The following CACNA1B variants were observed in gnomAD, a reference collection of about 807,000 sequenced individuals.
CACNA1B encodes voltage-dependent N-type calcium channel subunit alpha-1B.
In CACNA1B, 70 loss-of-function variants were observed where a neutral mutation model predicts 247.2. That is an observed-to-expected ratio of 0.28 (90% CI 0.23 to 0.35). The LOEUF (loss-of-function observed/expected upper bound fraction) is 0.35. CACNA1B is among the 10% of genes least tolerant of loss of function. The probability of loss-of-function intolerance (pLI) is 1.00; values close to 1 mark genes in which losing one functional copy is unlikely to be tolerated. For synonymous variants in CACNA1B, 1,231 were observed against 1,294.4 expected (o/e 0.95, Z 1.05); for missense variants, 2,367 against 3,197.4 (o/e 0.74, Z 6.26).
rs1055013997 is a variant in CACNA1B, at chr9:137,950,437, G to T, written c.967-1837G>T. 2.0e-5 allele frequency among the ~76,000 whole-genome samples: 3 copies of T among 152,184 alleles called. No homozygotes were observed. Among genetic ancestry groups the T allele is most frequent in the Non-Finnish European group, 4.4e-5 (3 of 68,030 alleles). On this transcript the variant is annotated intron_variant, in intron 6 of 46. Coordinates refer to ENST00000371372, the MANE Select transcript of CACNA1B (RefSeq NM_000718.4). The surrounding 1 kb of genome is among the most constrained non-coding windows in gnomAD (Gnocchi z 4.8). Reference sequence around the variant, plus strand: ...AGTACCGCGGAGGTGGGCTTGGGCTGGGGGGCCGTGATAACCCCTGCTGAG... The same window carrying T: ...AGTACCGCGGAGGTGGGCTTGGGCTTGGGGGCCGTGATAACCCCTGCTGAG...
intron 10 of CACNA1B, among the ~76,000 whole-genome samples, chr9:137,968,783 G>A (rs1243058586): frequency 6.6e-6 from 1 of 152,226 alleles, no homozygotes; most frequent in Non-Finnish European, 1.5e-5. Flanking sequence ...AGAAATCTAA[G>A]TATTTGCAGC....
At chr9:137,937,722 G>C (rs1957684369) in intron 6 of CACNA1B, among the ~76,000 whole-genome samples, 1 of 151,954 alleles carries the variant, frequency 6.6e-6, no homozygotes, top group African/African-American at 2.4e-5. Context: ...AAGGTGGGCG[G>C]ATCACCTGAG....
chr9:137,999,187 G>A (rs556519710), intron 15 of CACNA1B, among the ~76,000 whole-genome samples: 1 of 151,918 alleles, frequency 6.6e-6, no homozygotes, highest in South Asian at 2.1e-4. Flanking sequence ...TGTGGTGGTG[G>A]GTGCTACTGT....
intron 18 of CACNA1B, among the ~76,000 whole-genome samples, chr9:138,022,003 C>T (rs370463639): frequency 1.1e-4 from 16 of 152,224 alleles, no homozygotes; most frequent in Admixed American, 5.9e-4. Flanking sequence ...TGGTCTTACT[C>T]AGCAGAAGGC....
chr9:138,013,071 G>C, intron 17 of CACNA1B, 58 bp from the exon 18 acceptor site: 2 of 1,220,414 alleles, frequency 1.6e-6, no homozygotes, highest in Non-Finnish European at 2.4e-6. Flanking sequence ...TATATAGCCA[G>C]TGTTAGAGTG....
intron 34 of CACNA1B, among the ~76,000 whole-genome samples, chr9:138,074,283 C>G (rs1350753736): frequency 6.6e-6 from 1 of 151,816 alleles, no homozygotes; most frequent in African/African-American, 2.4e-5. Context: ...CTTTGTCACC[C>G]CGGCTGGAGT....
chr9:138,045,116 G>A (rs1409880401), intron 21 of CACNA1B, among the ~76,000 whole-genome samples: 1 of 152,210 alleles, frequency 6.6e-6, no homozygotes, highest in African/African-American at 2.4e-5. Flanking sequence ...AGGGGAGAGG[G>A]GAGGAACTAG....
chr9:138,107,498 T>C (rs1961471881), intron 39 of CACNA1B, among the ~76,000 whole-genome samples: 1 of 152,040 alleles, frequency 6.6e-6, no homozygotes, highest in Admixed American at 6.6e-5. Flanking sequence ...CCATTTCTGA[T>C]TCATGCCTTC....
rs185964501 is a variant in CACNA1B, at chr9:137,957,040, C to T, written c.1243+213C>T. 6.6e-6 allele frequency among the ~76,000 whole-genome samples: 1 copy of T among 152,344 alleles called. No homozygotes were observed. The highest frequency in any genetic ancestry group is 6.5e-5 in the Admixed American group (1 of 15,306). On this transcript the variant is annotated intron_variant, in intron 9 of 46. Coordinates refer to ENST00000371372, the MANE Select transcript of CACNA1B (RefSeq NM_000718.4). The surrounding 1 kb of genome is among the most constrained non-coding windows in gnomAD (Gnocchi z 4.7). ...CAGGTTTAAACCGAGCTGTGTCTATCCCCAGGGCTTGGGGTGCTGCTGCTC... is the reference window on the plus strand; with the variant it reads ...CAGGTTTAAACCGAGCTGTGTCTATTCCCAGGGCTTGGGGTGCTGCTGCTC...
At chr9:138,119,234 C>T (rs978126530) in intron 44 of CACNA1B, among the ~76,000 whole-genome samples, 5 of 152,170 alleles carry the variant, frequency 3.3e-5, no homozygotes, top group Non-Finnish European at 7.4e-5. Context: ...TACTTTTCTA[C>T]CCAGCTCCTT....
chr9:138,047,796 G>A (rs1444080838), intron 23 of CACNA1B, among the ~76,000 whole-genome samples: 1 of 152,242 alleles, frequency 6.6e-6, no homozygotes, highest in East Asian at 1.9e-4. Context: ...AAAGGAGGAG[G>A]GCTGCATGGC....
intron 35 of CACNA1B, 145 bp from the exon 36 acceptor site, chr9:138,077,969 A>G: frequency 4.8e-6 from 3 of 626,688 alleles, no homozygotes; most frequent in South Asian, 4.4e-5. Context: ...TCCTTTGAAG[A>G]AACAGCATCT....
intron 18 of CACNA1B, among the ~76,000 whole-genome samples, chr9:138,015,226 C>G (rs10867094): frequency 0.37 from 56,053 of 152,090 alleles, 14,628 homozygotes; most frequent in African/African-American, 0.73. Flanking sequence ...TCCCTGCCTG[C>G]GGTGCAGCTG....
At chr9:137,906,805 G>A (rs1363482655) in intron 3 of CACNA1B, among the ~76,000 whole-genome samples, 1 of 152,154 alleles carries the variant, frequency 6.6e-6, no homozygotes. Context: ...GCCATGTGAT[G>A]TATTATTTAA....
At position 137,880,079 on chromosome 9, in the gene CACNA1B, G is replaced by A. The variant is rs748323993; in HGVS notation, c.390+920G>A. 1.3e-5 allele frequency among the ~76,000 whole-genome samples: 2 copies of A among 152,198 alleles called. No individual in the cohort carries two copies. The highest frequency in any genetic ancestry group is 1.9e-4 in the East Asian group (1 of 5,194). ...CCCTCTTCCCTTAAGCCTGGCTTCCGCCCCCACTAGCATCCTGAGACAAGA... is the reference window on the plus strand; with the variant it reads ...CCCTCTTCCCTTAAGCCTGGCTTCCACCCCCACTAGCATCCTGAGACAAGA... On this transcript the variant is annotated intron_variant, in intron 2 of 46. Coordinates refer to ENST00000371372, the MANE Select transcript of CACNA1B (RefSeq NM_000718.4). This position sits in a 1 kb window ranked among gnomAD's most constrained non-coding sequence, Gnocchi z 4.8.
intron 15 of CACNA1B, among the ~76,000 whole-genome samples, chr9:137,999,158 A>T (rs764999347): frequency 3.3e-5 from 5 of 152,106 alleles, no homozygotes; most frequent in African/African-American, 7.2e-5. Context: ...ATCTACTGAA[A>T]ATACAAAATT....
chr9:138,105,784 C>T lies in CACNA1B; in HGVS notation c.5405C>T (p.Ala1802Val). 1 of 1,557,360 alleles carries T rather than the reference C, an allele frequency of 6.4e-7. No individual in the cohort carries two copies. Among genetic ancestry groups the T allele is most frequent in the Non-Finnish European group, 8.7e-7 (1 of 1,150,838 alleles). Reference protein sequence around the residue: ...TSTLMALIRTALEIKLAPAGT... With the variant: ...TSTLMALIRTVLEIKLAPAGT... ...ACGCTGATGGCCCTCATCCGGACGG[C>T]ACTGGAGATCAAGCTGGCCCCAGGT... The change falls in exon 39 of 47, where the codon GCA (alanine) becomes GTA (valine). Residue 1802 changes from alanine to valine, a missense_variant. Coordinates refer to ENST00000371372, the MANE Select transcript of CACNA1B (RefSeq NM_000718.4).
intron 23 of CACNA1B, 54 bp from the exon 24 acceptor site, chr9:138,049,155 T>G: frequency 2.5e-6 from 3 of 1,212,816 alleles, no homozygotes; most frequent in Non-Finnish European, 3.7e-6. Flanking sequence ...GCACCTGGCC[T>G]CTGCCTGTCT....
chr9:137,883,145 A>G, intron 3 of CACNA1B: 1 of 487,810 alleles, frequency 2.0e-6, no homozygotes, highest in Non-Finnish European at 3.7e-6. Flanking sequence ...TGCAGAGCGC[A>G]CAGGCCAGGG....
Sources: allele counts gnomAD v4.1 joint callset (sites outside exome capture counted in the v4.1 genomes callset), GRCh38; gene constraint gnomAD v4.1.1; non-coding constraint Gnocchi (gnomAD v3.1); transcripts MANE v1.5; gene names NCBI Gene and HGNC (gene_info 2026-07-23, HGNC 2026-07-21).